The following RYR3 variants were observed in gnomAD, a reference collection of about 807,000 sequenced individuals.
RYR3 encodes the protein brain ryanodine receptor-calcium release channel.
In RYR3, 207 loss-of-function variants were observed where a neutral mutation model predicts 584.3. The ratio of observed to expected loss-of-function variants is 0.35; its 90% CI spans 0.32 to 0.40. RYR3 has a LOEUF of 0.40. Ranked by LOEUF, RYR3 falls within the 10% of genes least tolerant of loss-of-function variation. RYR3 has a pLI of 1.00. For missense variants in RYR3, 5,616 were observed against 6,089.2 expected (o/e 0.92, Z 2.59); for synonymous variants, 2,416 against 2,248.5 (o/e 1.07, Z -2.11).
Position 33,562,910 on chromosome 15 carries a change from G to A in RYR3, c.1046G>A (p.Gly349Glu), listed in dbSNP as rs775216018. The A allele has an allele frequency of 3.1e-6, 5 of 1,613,608 alleles. No individual in the cohort carries two copies. In the African/African-American group the frequency reaches 4.0e-5, roughly 13 times the overall value. The change falls in exon 11 of 104, where the codon GGA becomes GAA. Residue 349 changes from glycine (G) to glutamate (E), a missense_variant. By Grantham distance (98) the Gly-to-Glu change is moderately conservative. This residue lies in a region of RYR3 where 1,284 missense variants were observed against 1,344.6 expected (regional missense o/e 0.95). Coordinates refer to ENST00000634891, the MANE Select transcript of RYR3 (RefSeq NM_001036.6). ...ATGGGAGTTCCAGAAATCAAGTATG[G>A]AGATTCTGTCTGCTTTGTGCAGCAT... ...EGMGVPEIKY[G>E]DSVCFVQHIA...
intron 1 of RYR3, among the ~76,000 whole-genome samples, chr15:33,403,044 ATATTT>A (rs2042787024): frequency 1.3e-5 from 2 of 152,204 alleles, no homozygotes; most frequent in South Asian, 4.1e-4. Flanking sequence ...CTTTACTTTG[ATATTT>A]TATTTTAGTT....
chr15:33,346,216 C>T (rs992425182), intron 1 of RYR3, among the ~76,000 whole-genome samples: 5 of 152,180 alleles, frequency 3.3e-5, no homozygotes, highest in Admixed American at 1.3e-4. Flanking sequence ...TGGCTGTGTG[C>T]GTGTATGTGT....
chr15:33,560,391 C>T (rs1364807635), intron 10 of RYR3, among the ~76,000 whole-genome samples: 1 of 151,990 alleles, frequency 6.6e-6, no homozygotes, highest in Non-Finnish European at 1.5e-5. Context: ...CAGAAACACT[C>T]CTTTCTATAC....
intron 99 of RYR3, 198 bp downstream of exon 99, chr15:33,858,112 T>A (rs1004367915): frequency 1.5e-6 from 1 of 684,370 alleles, no homozygotes; most frequent in Non-Finnish European, 2.4e-6. Context: ...GTGATGGAGG[T>A]AGTTTTCATT....
chr15:33,612,222 A>G (rs1281305422), intron 18 of RYR3, among the ~76,000 whole-genome samples: 1 of 152,242 alleles, frequency 6.6e-6, no homozygotes, highest in Non-Finnish European at 1.5e-5. Flanking sequence ...TTAAGTCAGG[A>G]AATAATAAAT....
intron 43 of RYR3, among the ~76,000 whole-genome samples, chr15:33,718,053 A>G (rs1334873500): frequency 6.6e-6 from 1 of 152,202 alleles, no homozygotes; most frequent in East Asian, 1.9e-4. Flanking sequence ...GCATTTAGCA[A>G]ATAGAGGTGT....
rs754015881 is a variant in RYR3, at chr15:33,844,951, A to G, written c.13386A>G (p.Val4462=). 23 of 1,614,002 alleles carry G rather than the reference A, an allele frequency of 1.4e-5. No homozygotes were observed. In the South Asian group the frequency reaches 2.5e-4, roughly 18 times the overall value. The change falls in exon 93 of 104, where the codon GTA becomes GTG. Residue 4462 remains valine (V), a synonymous_variant. Coordinates refer to ENST00000634891, the MANE Select transcript of RYR3 (RefSeq NM_001036.6). ...FNDEEEEEAM[V]FFVLQESTGY... is the part of the protein sequence containing the mutation. Reference sequence around the variant, plus strand: ...ACGAGGAAGAGGAAGAAGCGATGGTATTCTTTGTCCTTCAGGAGAGCACCG... The same window carrying G: ...ACGAGGAAGAGGAAGAAGCGATGGTGTTCTTTGTCCTTCAGGAGAGCACCG...
Position 33,769,161 on chromosome 15 carries a change from A to C in RYR3, c.8805A>C (p.Thr2935=). The C allele has an allele frequency of 6.2e-7, 1 of 1,613,006 alleles. No homozygotes were observed. Among genetic ancestry groups the C allele is most frequent in the Non-Finnish European group, 8.5e-7 (1 of 1,179,072 alleles). The change falls in exon 62 of 104, where the codon ACA becomes ACC. Residue 2935 remains threonine, a synonymous_variant. Transcript: ENST00000634891. ...GCTGTCTTCACATCTTAGCTCAGAC[A>C]CTTGACACAAGGTAAGTCTGCCCAG... ...MVSCLHILAQ[T]LDTRTVMKSG... is the part of the protein sequence containing the mutation.
At chr15:33,351,454 C>CA (rs1351944313) in intron 1 of RYR3, among the ~76,000 whole-genome samples, 1 of 150,196 alleles carries the variant, frequency 6.7e-6, no homozygotes, top group Non-Finnish European at 1.5e-5. Context: ...GAGACACAAC[C>CA]AAAAAAGAGA....
intron 12 of RYR3, among the ~76,000 whole-genome samples, chr15:33,579,462 A>T (rs374329159): frequency 2.3e-5 from 1 of 43,264 alleles, no homozygotes; most frequent in African/African-American, 6.5e-5. Flanking sequence ...CAATGCCAAG[A>T]AGGTGTGATT....
At chr15:33,417,610 A>G (rs991770341) in intron 1 of RYR3, among the ~76,000 whole-genome samples, 2 of 152,204 alleles carry the variant, frequency 1.3e-5, no homozygotes, top group African/African-American at 4.8e-5. Context: ...TTCTAGGTAT[A>G]GAATCATGTC....
At chr15:33,461,368 CT>C (rs1270212117) in intron 1 of RYR3, among the ~76,000 whole-genome samples, 1 of 152,172 alleles carries the variant, frequency 6.6e-6, no homozygotes, top group African/African-American at 2.4e-5. Context: ...TTCACGGGTA[CT>C]TTGTCTCTTC....
intron 1 of RYR3, among the ~76,000 whole-genome samples, chr15:33,440,748 C>T (rs1319155295): frequency 2.0e-5 from 3 of 152,234 alleles, no homozygotes; most frequent in African/African-American, 4.8e-5. Flanking sequence ...TTGGTAGAGC[C>T]GTAAAACCTG....
At chr15:33,492,707 A>G (rs2051073635) in intron 2 of RYR3, among the ~76,000 whole-genome samples, 1 of 152,196 alleles carries the variant, frequency 6.6e-6, no homozygotes, top group South Asian at 2.1e-4. Context: ...AGGTGCTCCC[A>G]AAGTGATAAA....
At chr15:33,858,378 AT>A (rs910813689) in intron 99 of RYR3, among the ~76,000 whole-genome samples, 1 of 151,336 alleles carries the variant, frequency 6.6e-6, no homozygotes, top group Non-Finnish European at 1.5e-5. Context: ...CTAATTTTGT[AT>A]TTTTTTTAGT....
intron 12 of RYR3, among the ~76,000 whole-genome samples, chr15:33,571,612 T>C (rs1188252694): frequency 6.6e-6 from 1 of 152,230 alleles, no homozygotes; most frequent in East Asian, 1.9e-4. Flanking sequence ...ATTCCAGGTG[T>C]CTTGAATGTG....
intron 38 of RYR3, among the ~76,000 whole-genome samples, chr15:33,674,445 C>G (rs188750150): frequency 1.3e-5 from 2 of 152,252 alleles, no homozygotes; most frequent in Admixed American, 6.5e-5. Context: ...GTATGTATGA[C>G]TTTCCACGTT....
At chr15:33,723,655 C>T (rs1259170114) in intron 44 of RYR3, among the ~76,000 whole-genome samples, 2 of 152,138 alleles carry the variant, frequency 1.3e-5, no homozygotes, top group Non-Finnish European at 2.9e-5. Context: ...CCTCAAGCAA[C>T]ATGAGAAAAA....
rs146437997 is a variant in RYR3 at position 33,786,086 on chromosome 15, T to C, written c.9589+104T>C. 858 of 1,062,020 alleles carry C rather than the reference T, an allele frequency of 8.1e-4. 15 individuals carry two copies. In the Admixed American group the frequency reaches 0.02, roughly 25 times the overall value. 65.8% of individuals were successfully genotyped at this position (1,062,020 alleles called of 1,614,324 possible). A position where few individuals can be genotyped will look rare whatever the true frequency, so the allele number is the denominator to read the frequency against. On this transcript the variant is annotated intron_variant, in intron 66 of 103. Coordinates refer to ENST00000634891, the MANE Select transcript of RYR3 (RefSeq NM_001036.6). ...CAAGATGGTTTTGCACAAGCTCTATTCTATATTTAAACCTCCCCATGCCCA... is the reference window on the plus strand; with the variant it reads ...CAAGATGGTTTTGCACAAGCTCTATCCTATATTTAAACCTCCCCATGCCCA...
Sources: gnomAD v4.1 joint callset for allele counts (sites outside exome capture counted in the v4.1 genomes callset) on GRCh38, gnomAD v4.1.1 for gene constraint, gnomAD v4.1.1 regional missense constraint, MANE v1.5 for transcripts, NCBI Gene and HGNC (gene_info 2026-07-23, HGNC 2026-07-21) for gene names.